The following ZFAND3 variants were observed in gnomAD, a reference collection of about 807,000 sequenced individuals.
The protein encoded by ZFAND3 is AN1-type zinc finger protein 3.
In ZFAND3, 10 loss-of-function variants were observed where a neutral mutation model predicts 29.6. The observed-to-expected ratio is 0.34, with a 90% CI of 0.21 to 0.57. ZFAND3 has a LOEUF of 0.57. Ranked by LOEUF, ZFAND3 falls within the 20% of genes least tolerant of loss-of-function variation. ZFAND3 has a pLI of 0.86. For missense variants in ZFAND3, 230 were observed against 304.5 expected (o/e 0.76, Z 1.82); for synonymous variants, 128 against 112.6 (o/e 1.14, Z -0.87).
chr6:38,133,856 C>T (rs1765790755), intron 5 of ZFAND3, among the ~76,000 whole-genome samples: 2 of 152,058 alleles, frequency 1.3e-5, no homozygotes, highest in South Asian at 4.2e-4. Flanking sequence ...GGGATTTGAG[C>T]CCAGGTCTGT....
At chr6:37,939,926 G>C (rs1761782918) in intron 2 of ZFAND3, among the ~76,000 whole-genome samples, 1 of 152,126 alleles carries the variant, frequency 6.6e-6, no homozygotes, top group South Asian at 2.1e-4. Flanking sequence ...TGTAATCCCA[G>C]CTACTCCGGA....
chr6:38,007,546 A>C (rs567584107), intron 2 of ZFAND3, among the ~76,000 whole-genome samples: 19 of 152,330 alleles, frequency 1.2e-4, no homozygotes, highest in Admixed American at 6.5e-4. Context: ...CCCTGTTTCA[A>C]TTTAAAAAAA....
chr6:37,882,657 C>G (rs573893507), intron 1 of ZFAND3, among the ~76,000 whole-genome samples: 114 of 151,930 alleles, frequency 7.5e-4, no homozygotes, highest in African/African-American at 2.6e-3. Context: ...GCCCCCCACC[C>G]TTCCACCCTT....
chr6:38,006,018 C>T (rs1763042389), intron 2 of ZFAND3, among the ~76,000 whole-genome samples: 1 of 152,154 alleles, frequency 6.6e-6, no homozygotes, highest in Admixed American at 6.5e-5. Context: ...GAAGATAGAG[C>T]CAGCTGACTT....
chr6:38,034,600 A>G (rs972476871), intron 2 of ZFAND3, among the ~76,000 whole-genome samples: 3 of 152,154 alleles, frequency 2.0e-5, no homozygotes, highest in Admixed American at 6.5e-5. Context: ...AAACAAGATC[A>G]TTTTTTCCAG....
intron 1 of ZFAND3, among the ~76,000 whole-genome samples, chr6:37,862,759 C>T (rs949938842): frequency 6.6e-6 from 1 of 151,742 alleles, no homozygotes; most frequent in Non-Finnish European, 1.5e-5. Flanking sequence ...CTTCAGATGT[C>T]TAGCATAGTA....
intron 1 of ZFAND3, among the ~76,000 whole-genome samples, chr6:37,855,299 CA>C (rs1292512683): frequency 6.6e-6 from 1 of 151,266 alleles, no homozygotes; most frequent in African/African-American, 2.4e-5. Context: ...AGTGTGCCAC[CA>C]TGCCTGGCTA....
intron 2 of ZFAND3, among the ~76,000 whole-genome samples, chr6:38,044,922 C>T (rs745712459): frequency 1.3e-5 from 2 of 152,034 alleles, no homozygotes; most frequent in East Asian, 1.9e-4. Context: ...TAGCTAGCCT[C>T]CAAAGCGTCT....
intron 1 of ZFAND3, among the ~76,000 whole-genome samples, chr6:37,918,934 C>T (rs1761318224): frequency 1.5e-5 from 2 of 137,210 alleles, no homozygotes; most frequent in South Asian, 4.7e-4. Flanking sequence ...TGTGTGTTTT[C>T]AAAACATGAA....
rs547549429 is a variant in ZFAND3 at position 38,069,947 on chromosome 6, C to T, written c.295+8172C>T. ...CCTATTTTTAAGTATGCAAGTAAAA[C>T]ATGACTACATTCTCAATTTTTGAAT... is the stretch of plus-strand genomic sequence containing the variant. On this transcript the variant is annotated intron_variant, in intron 3 of 5. Transcript: ENST00000287218. Among the ~76,000 whole-genome samples the T allele has an allele frequency of 8.2e-4, 125 of 152,274 alleles. 1 individual carries two copies. Among genetic ancestry groups the T allele is most frequent in the African/African-American group, 3.0e-3 (124 of 41,564 alleles).
intron 2 of ZFAND3, among the ~76,000 whole-genome samples, chr6:38,038,867 T>C (rs887735579): frequency 6.6e-6 from 1 of 152,198 alleles, no homozygotes; most frequent in African/African-American, 2.4e-5. Context: ...GGCAGCACTA[T>C]CTCTCAGAAG....
At chr6:37,868,929 G>T (rs1254442744) in intron 1 of ZFAND3, among the ~76,000 whole-genome samples, 1 of 152,196 alleles carries the variant, frequency 6.6e-6, no homozygotes, top group Non-Finnish European at 1.5e-5. Flanking sequence ...ATGTTTGAGA[G>T]AATTTGCCAT....
chr6:38,088,738 G>GC (rs1764805616), intron 4 of ZFAND3, among the ~76,000 whole-genome samples: 1 of 152,164 alleles, frequency 6.6e-6, no homozygotes, highest in Admixed American at 6.5e-5. Context: ...TATTCTCTCT[G>GC]ATAGACTTGA....
chr6:37,973,904 G>A (rs1216114569), intron 2 of ZFAND3, among the ~76,000 whole-genome samples: 3 of 152,144 alleles, frequency 2.0e-5, no homozygotes, highest in Non-Finnish European at 4.4e-5. Flanking sequence ...CCAGTATATT[G>A]TGTTGTAGGT....
chr6:37,832,758 C>T (rs1021917725), intron 1 of ZFAND3, among the ~76,000 whole-genome samples: 10 of 152,140 alleles, frequency 6.6e-5, no homozygotes, highest in African/African-American at 2.2e-4. Context: ...TTCACTGTAG[C>T]CTCGAACTCC....
intron 5 of ZFAND3, among the ~76,000 whole-genome samples, chr6:38,133,187 T>C (rs564268745): frequency 7.2e-5 from 11 of 152,374 alleles, no homozygotes; most frequent in South Asian, 2.1e-4. Context: ...GTTTATGATA[T>C]ATGTCTCAGA....
chr6:38,116,505 A>T, intron 4 of ZFAND3, 67 bp from the exon 5 acceptor site: 10 of 1,524,382 alleles, frequency 6.6e-6, no homozygotes, highest in Non-Finnish European at 8.9e-6. Flanking sequence ...GCCTGGAAAT[A>T]CATTAATCAA....
chr6:37,837,476 A>G (rs1263786768), intron 1 of ZFAND3, among the ~76,000 whole-genome samples: 1 of 151,134 alleles, frequency 6.6e-6, no homozygotes, highest in Non-Finnish European at 1.5e-5. Context: ...GTAATCAGAG[A>G]CAATGGGTCC....
chr6:37,968,946 G>T (rs940048525), intron 2 of ZFAND3, among the ~76,000 whole-genome samples: 3 of 152,200 alleles, frequency 2.0e-5, no homozygotes, highest in African/African-American at 4.8e-5. Context: ...GCAGTCATGT[G>T]TCACTTAACA....
Sources: gnomAD v4.1 joint callset for allele counts (sites outside exome capture counted in the v4.1 genomes callset) on GRCh38, gnomAD v4.1.1 for gene constraint, MANE v1.5 for transcripts, NCBI Gene and HGNC (gene_info 2026-07-23, HGNC 2026-07-21) for gene names.